SGCZ: variants seen among roughly 807,000 people sequenced by gnomAD.
The protein encoded by SGCZ is sarcoglycan zeta.
Under a neutral mutation model 41.3 loss-of-function variants are expected in SGCZ, and 40 were observed. The observed-to-expected ratio is 0.97, with a 90% CI of 0.75 to 1.26. The LOEUF (loss-of-function observed/expected upper bound fraction) is 1.26. Among genes scored for constraint, SGCZ ranks in the 50% most tolerant of loss-of-function variants. The probability of loss-of-function intolerance (pLI) is 0.00; values close to 1 mark genes in which losing one functional copy is unlikely to be tolerated. For missense variants in SGCZ, 552 were observed against 369.8 expected (o/e 1.49, Z -4.04); for synonymous variants, 206 against 137.5 (o/e 1.50, Z -3.49).
intron 1 of SGCZ, among the ~76,000 whole-genome samples, chr8:15,011,647 T>C (rs1200342868): frequency 6.6e-6 from 1 of 152,170 alleles, no homozygotes; most frequent in Non-Finnish European, 1.5e-5. Flanking sequence ...TTCCATCATG[T>C]ATTACTACTA....
At chr8:14,110,246 T>A (rs763010113) in intron 5 of SGCZ, among the ~76,000 whole-genome samples, 3 of 152,128 alleles carry the variant, frequency 2.0e-5, no homozygotes, top group African/African-American at 2.4e-5. Flanking sequence ...TAATAAGATA[T>A]GCATCCCAGA....
chr8:14,129,069 G>A (rs143838962), intron 5 of SGCZ, among the ~76,000 whole-genome samples: 7 of 151,984 alleles, frequency 4.6e-5, no homozygotes, highest in African/African-American at 1.4e-4. Flanking sequence ...CTCTTGGGTC[G>A]GGCATGGTGG....
intron 2 of SGCZ, among the ~76,000 whole-genome samples, chr8:14,492,209 A>T (rs953049554): frequency 6.6e-6 from 1 of 152,218 alleles, no homozygotes; most frequent in Non-Finnish European, 1.5e-5. Flanking sequence ...CAGTTACATC[A>T]TCACAACCTT....
intron 1 of SGCZ, among the ~76,000 whole-genome samples, chr8:14,606,512 G>A (rs2117327007): frequency 6.6e-6 from 1 of 152,154 alleles, no homozygotes; most frequent in South Asian, 2.1e-4. Flanking sequence ...CCGTCTTCTG[G>A]TATCCACCTA....
intron 1 of SGCZ, among the ~76,000 whole-genome samples, chr8:14,910,611 T>C (rs1476800084): frequency 6.6e-6 from 1 of 151,958 alleles, no homozygotes; most frequent in African/African-American, 2.4e-5. Context: ...GTTCATTTTT[T>C]GGGTATACAC....
chr8:15,170,280 A>C (rs1799788749), intron 1 of SGCZ, among the ~76,000 whole-genome samples: 1 of 152,202 alleles, frequency 6.6e-6, no homozygotes, highest in South Asian at 2.1e-4. Flanking sequence ...TCAAGGACAC[A>C]TTTGATCTAC....
intron 3 of SGCZ, among the ~76,000 whole-genome samples, chr8:14,295,464 A>G (rs1800976188): frequency 6.6e-6 from 1 of 152,200 alleles, no homozygotes; most frequent in Non-Finnish European, 1.5e-5. Flanking sequence ...ATCTGTCCAT[A>G]ATCATTCCTT....
intron 1 of SGCZ, among the ~76,000 whole-genome samples, chr8:14,774,381 C>G (rs552077366): frequency 1.3e-5 from 2 of 152,284 alleles, no homozygotes; most frequent in South Asian, 4.1e-4. Flanking sequence ...CTGGAAAACT[C>G]TAACATACTC....
chr8:14,098,465 A>G (rs1450511124), intron 7 of SGCZ, among the ~76,000 whole-genome samples: 1 of 152,102 alleles, frequency 6.6e-6, no homozygotes, highest in Non-Finnish European at 1.5e-5. Flanking sequence ...ATGAGAGATG[A>G]TTCCTTTTAT....
intron 1 of SGCZ, among the ~76,000 whole-genome samples, chr8:14,684,363 G>T (rs1316580371): frequency 6.6e-6 from 1 of 152,100 alleles, no homozygotes. Flanking sequence ...TCATGGCAAC[G>T]TATTTATGTA....
At chr8:14,160,892 C>T (rs1244894636) in intron 5 of SGCZ, among the ~76,000 whole-genome samples, 1 of 152,118 alleles carries the variant, frequency 6.6e-6, no homozygotes, top group African/African-American at 2.4e-5. Context: ...ATGAATCCAT[C>T]CACTGAAGTC....
At chr8:14,796,913 C>T (rs1801152045) in intron 1 of SGCZ, among the ~76,000 whole-genome samples, 1 of 152,190 alleles carries the variant, frequency 6.6e-6, no homozygotes, top group African/African-American at 2.4e-5. Flanking sequence ...AGCTATCAGT[C>T]TCTTTCCTGC....
At chr8:14,165,947 G>A (rs188482643) in intron 4 of SGCZ, among the ~76,000 whole-genome samples, 1 of 152,202 alleles carries the variant, frequency 6.6e-6, no homozygotes, top group African/African-American at 2.4e-5. Context: ...CCAATAGGCT[G>A]CAAAAACTTA....
intron 1 of SGCZ, among the ~76,000 whole-genome samples, chr8:15,030,288 G>T (rs1248898293): frequency 6.6e-6 from 1 of 152,086 alleles, no homozygotes; most frequent in Non-Finnish European, 1.5e-5. Flanking sequence ...TGATTTAATT[G>T]CCATCTTCAG....
At chr8:14,912,725 G>A (rs867244158) in intron 1 of SGCZ, among the ~76,000 whole-genome samples, 42 of 152,006 alleles carry the variant, frequency 2.8e-4, no homozygotes, top group African/African-American at 9.2e-4. Flanking sequence ...AGAGTTTGGC[G>A]GAAATTTGAT....
chr8:14,210,605 G>A (rs773293447), intron 4 of SGCZ, among the ~76,000 whole-genome samples: 1 of 151,936 alleles, frequency 6.6e-6, no homozygotes, highest in Middle Eastern at 3.4e-3. Flanking sequence ...TGGGATGACA[G>A]GCATGCGTCA....
chr8:14,961,430 T>C (rs1800963420), intron 1 of SGCZ, among the ~76,000 whole-genome samples: 1 of 152,168 alleles, frequency 6.6e-6, no homozygotes, highest in Non-Finnish European at 1.5e-5. Context: ...TCCATGGTTT[T>C]ACTTTTTGTA....
rs771386940 is a variant in SGCZ at position 14,200,043 on chromosome 8, T to C, written c.425-35341A>G. Reference sequence around the variant, plus strand: ...GTAAACAGAAACGTATTCTTATTGATAGCAATTGGGTCCGGTAGTATCCAT... The same window carrying C: ...GTAAACAGAAACGTATTCTTATTGACAGCAATTGGGTCCGGTAGTATCCAT... On this transcript the variant is annotated intron_variant, in intron 4 of 7. Transcript: ENST00000382080. Among the ~76,000 whole-genome samples the C allele has an allele frequency of 4.6e-5, 7 of 152,322 alleles. No individual in the cohort carries two copies. In the South Asian group the frequency reaches 8.3e-4, roughly 18 times the overall value.
chr8:14,676,346 A>ATGTGTGTGTGTGTGTGTGTGTGTGTGTG (rs33909996), intron 1 of SGCZ, among the ~76,000 whole-genome samples: 20 of 149,310 alleles, frequency 1.3e-4, no homozygotes, highest in East Asian at 4.0e-4. Flanking sequence ...AATGAAATAG[A>ATGTGTGTGTGTGTGTGTGTGTGTGTGTG]TGTGTGTGTG....
Sources: gnomAD v4.1 joint callset for allele counts (sites outside exome capture counted in the v4.1 genomes callset) on GRCh38, gnomAD v4.1.1 for gene constraint, MANE v1.5 for transcripts, NCBI Gene and HGNC (gene_info 2026-07-23, HGNC 2026-07-21) for gene names.